The following XPNPEP1 variants were observed in gnomAD, a reference collection of about 807,000 sequenced individuals.
XPNPEP1 encodes the protein X-prolyl aminopeptidase 1.
A neutral mutation model predicts 92.4 loss-of-function variants in XPNPEP1; 39 were observed. That is an observed-to-expected ratio of 0.42 (90% CI 0.33 to 0.55). The LOEUF is 0.55. Among genes scored for constraint, XPNPEP1 ranks in the 20% least tolerant of loss-of-function variants. The pLI is 0.08. For missense variants in XPNPEP1, 654 were observed against 856.1 expected (o/e 0.76, Z 2.95); for synonymous variants, 307 against 299.4 (o/e 1.03, Z -0.26).
Position 109,878,224 on chromosome 10 carries a change from C to G in XPNPEP1, c.1183-166G>C, listed in dbSNP as rs1589559644. ...AAGGGAGAACTCCCAAAGGCTCTCACCAAAGCTATCTAAAATCCAATAGTT... is the reference window on the plus strand; with the variant it reads ...AAGGGAGAACTCCCAAAGGCTCTCAGCAAAGCTATCTAAAATCCAATAGTT... On this transcript the variant is annotated intron_variant, in intron 12 of 20. Coordinates refer to ENST00000502935, the MANE Select transcript of XPNPEP1 (RefSeq NM_020383.4). 1.5e-5 allele frequency: 10 copies of G among 651,980 alleles called. No individual in the cohort carries two copies. The East Asian group carries it at 2.7e-4, about 18-fold the overall frequency. The allele number at this position is 651,980 out of a possible 1,614,324, so 40.4% of individuals were successfully genotyped here.
intron 13 of XPNPEP1, 30 bp downstream of exon 13, chr10:109,877,970 G>T: frequency 6.2e-7 from 1 of 1,614,252 alleles, no homozygotes; most frequent in Non-Finnish European, 8.5e-7. Context: ...TCAGCACGAG[G>T]CTCCTGGGTC....
In XPNPEP1 at chr10:109,879,986, T is replaced by G. The variant is rs533621616; in HGVS notation, c.1182+202A>C. The stretch of plus-strand genomic sequence containing the variant: ...CTATTATGGAACTTTTCTTCATTCT[T>G]GTTACTATTTTCATAATTAAGGAAT... On this transcript the variant is annotated intron_variant, in intron 12 of 20. Coordinates refer to ENST00000502935, the MANE Select transcript of XPNPEP1 (RefSeq NM_020383.4). Among the ~76,000 whole-genome samples, 16 of 152,338 alleles carry G rather than the reference T, an allele frequency of 1.1e-4. 1 individual carries two copies. Among genetic ancestry groups the G allele is most frequent in the Admixed American group, 3.3e-4 (5 of 15,306 alleles).
At position 109,877,984 on chromosome 10, in the gene XPNPEP1, C is replaced by T. The variant is rs12260979; in HGVS notation, c.1241+16G>A. Reference sequence around the variant, plus strand: ...ATCAGCACGAGGCTCCTGGGTCCCCCCAAATGGATCCTTACCTGCGAAACT... The same window carrying T: ...ATCAGCACGAGGCTCCTGGGTCCCCTCAAATGGATCCTTACCTGCGAAACT... On this transcript the variant is annotated intron_variant, in intron 13 of 20. Transcript: ENST00000502935. The T allele has an allele frequency of 7.1e-3, 11,431 of 1,614,180 alleles. 570 individuals carry two copies. In the African/African-American group the frequency reaches 0.12, roughly 17 times the overall value.
intron 2 of XPNPEP1, among the ~76,000 whole-genome samples, chr10:109,914,369 A>G (rs1469082852): frequency 6.6e-6 from 1 of 152,248 alleles, no homozygotes; most frequent in Non-Finnish European, 1.5e-5. Flanking sequence ...ATGAAGGACT[A>G]TATTAGAGAA....
intron 8 of XPNPEP1, 24 bp downstream of exon 8, chr10:109,886,222 A>C: frequency 1.2e-6 from 2 of 1,612,786 alleles, no homozygotes; most frequent in South Asian, 1.1e-5. Flanking sequence ...TAACATGCCC[A>C]AACAGCGAAA....
At chr10:109,920,354 A>G (rs1189214277) in intron 1 of XPNPEP1, among the ~76,000 whole-genome samples, 1 of 152,248 alleles carries the variant, frequency 6.6e-6, no homozygotes, top group Non-Finnish European at 1.5e-5. Flanking sequence ...ATTTTAACAG[A>G]TGAATTGTAT....
At chr10:109,922,121 G>C (rs773688969) in intron 1 of XPNPEP1, among the ~76,000 whole-genome samples, 3 of 152,150 alleles carry the variant, frequency 2.0e-5, no homozygotes, top group Admixed American at 2.0e-4. Context: ...TTCCATTACC[G>C]AAACTGAAAG....
chr10:109,866,105 GGTA>G, intron 20 of XPNPEP1, among the ~76,000 whole-genome samples: 1 of 152,310 alleles, frequency 6.6e-6, no homozygotes, highest in Non-Finnish European at 1.5e-5. Flanking sequence ...TGTCTATGGG[GGTA>G]GCTGTCTGGA....
At chr10:109,916,375 G>A (rs994161375) in intron 1 of XPNPEP1, among the ~76,000 whole-genome samples, 11 of 152,208 alleles carry the variant, frequency 7.2e-5, no homozygotes, top group African/African-American at 2.7e-4. Flanking sequence ...TTGTATCAGG[G>A]GATGGGGAGG....
chr10:109,897,458 C>T (rs1849045835), intron 3 of XPNPEP1, among the ~76,000 whole-genome samples: 1 of 152,144 alleles, frequency 6.6e-6, no homozygotes, highest in South Asian at 2.1e-4. Flanking sequence ...ATTATTTAGT[C>T]TGTATTGTTT....
intron 14 of XPNPEP1, chr10:109,877,296 C>T (rs1455806095): frequency 1.3e-5 from 2 of 154,444 alleles, no homozygotes; most frequent in Non-Finnish European, 2.9e-5. Context: ...AGATCCTCAT[C>T]TCTACAAAAA....
chr10:109,903,491 T>C (rs1260521520), intron 3 of XPNPEP1, among the ~76,000 whole-genome samples: 4 of 152,094 alleles, frequency 2.6e-5, no homozygotes, highest in Non-Finnish European at 4.4e-5. Context: ...ACTAACAGGG[T>C]GACTGCAATC....
intron 16 of XPNPEP1, 83 bp from the exon 17 acceptor site, chr10:109,871,944 C>A: frequency 1.5e-6 from 2 of 1,376,208 alleles, no homozygotes; most frequent in South Asian, 1.3e-5. Flanking sequence ...GAAAATCCTG[C>A]CTGCTAAAGT....
chr10:109,893,194 C>T (rs1389776844), intron 3 of XPNPEP1, 119 bp from the exon 4 acceptor site: 6 of 873,652 alleles, frequency 6.9e-6, no homozygotes, highest in East Asian at 5.3e-5. Context: ...CCTTGGCCCC[C>T]GCCCTCAAGA....
intron 17 of XPNPEP1, 142 bp downstream of exon 17, chr10:109,871,650 C>T (rs1418794452): frequency 2.2e-6 from 2 of 911,372 alleles, no homozygotes; most frequent in South Asian, 1.7e-5. Context: ...TATGGAGACT[C>T]ACCCCATGAG....
At chr10:109,892,972 A>G in intron 4 of XPNPEP1, 40 bp downstream of exon 4, 1 of 1,603,920 alleles carries the variant, frequency 6.2e-7, no homozygotes, top group Non-Finnish European at 8.5e-7. Flanking sequence ...TAGGAGGCGA[A>G]CAAAGGTGCA....
chr10:109,902,238 G>A (rs951765936), intron 3 of XPNPEP1, among the ~76,000 whole-genome samples: 2 of 152,232 alleles, frequency 1.3e-5, no homozygotes, highest in Non-Finnish European at 2.9e-5. Context: ...GTGACATCAA[G>A]CATTCAAGCA....
At chr10:109,882,374 A>G in intron 10 of XPNPEP1, 58 bp downstream of exon 10, 1 of 1,574,726 alleles carries the variant, frequency 6.4e-7, no homozygotes, top group Non-Finnish European at 8.7e-7. Flanking sequence ...TCCAAAGACA[A>G]TACCAGAACT....
chr10:109,880,905 G>A lies in XPNPEP1; in HGVS notation c.1068C>T (p.Thr356=), dbSNP rs777918487. Residue 356 remains threonine (T), a synonymous_variant, in exon 11 of 21, where the codon ACC becomes ACT. Transcript: ENST00000502935. The stretch of plus-strand genomic sequence containing the variant: ...TCACAGCTTTGGCGATGCAGATGGG[G>A]GTGTAAGGCATACAGCAGCGGTGGT... ...PKDHRCCMPY[T]PICIAKAVKN... The A allele has an allele frequency of 4.6e-5, 75 of 1,613,892 alleles. No individual in the cohort carries two copies. The highest frequency in any genetic ancestry group is 6.0e-5 in the Non-Finnish European group (71 of 1,179,986).
Sources: allele counts gnomAD v4.1 joint callset (sites outside exome capture counted in the v4.1 genomes callset), GRCh38; gene constraint gnomAD v4.1.1; transcripts MANE v1.5; gene names NCBI Gene and HGNC (gene_info 2026-07-23, HGNC 2026-07-21).